CASD1: variants seen among roughly 807,000 people sequenced by gnomAD.
The protein encoded by CASD1 is N-acetylneuraminate (7)9-O-acetyltransferase.
In CASD1, 41 loss-of-function variants were observed where a neutral mutation model predicts 100.0. That is an observed-to-expected ratio of 0.41 (90% CI 0.32 to 0.53). CASD1 has a LOEUF of 0.53. Among genes scored for constraint, CASD1 ranks in the 20% least tolerant of loss-of-function variants. CASD1 has a pLI of 0.25. For missense variants in CASD1, 774 were observed against 948.7 expected (o/e 0.82, Z 2.42); for synonymous variants, 321 against 315.6 (o/e 1.02, Z -0.18).
chr7:94,588,624 C>G, the CASD1 span: 1 of 1,548,598 alleles, frequency 6.5e-7, no homozygotes, highest in Non-Finnish European at 8.9e-7. Context: ...TTATATAGTG[C>G]CATAATTATC....
chr7:94,629,818 G>T, the CASD1 span: 3 of 1,610,878 alleles, frequency 1.9e-6, no homozygotes, highest in Non-Finnish European at 1.7e-6. Context: ...CGATCGGAGT[G>T]TACCTTGGAG....
At chr7:94,551,682 C>T (rs930750874) in intron 15 of CASD1, 5 of 223,448 alleles carry the variant, frequency 2.2e-5, no homozygotes, top group East Asian at 1.8e-4. Context: ...CTTAAGGACA[C>T]GGTCAGTTTG....
downstream of CASD1, among the ~76,000 whole-genome samples, chr7:94,562,017 C>T (rs908713019): frequency 2.0e-5 from 3 of 152,140 alleles, no homozygotes; most frequent in African/African-American, 7.2e-5. Flanking sequence ...CTATGAAACT[C>T]ATCATTGTGT....
At chr7:94,530,599 G>A (rs925950197) in intron 5 of CASD1, among the ~76,000 whole-genome samples, 13 of 152,120 alleles carry the variant, frequency 8.5e-5, no homozygotes, top group African/African-American at 3.1e-4. Context: ...ATACAGTGGA[G>A]GAGTGGAAGG....
the CASD1 span, among the ~76,000 whole-genome samples, chr7:94,565,914 G>A: frequency 1.3e-5 from 2 of 152,174 alleles, no homozygotes; most frequent in African/African-American, 4.8e-5. Flanking sequence ...GGTAAGAAGA[G>A]CTTCAGAATG....
At chr7:94,569,626 A>G in the CASD1 span, among the ~76,000 whole-genome samples, 1 of 151,620 alleles carries the variant, frequency 6.6e-6, no homozygotes, top group Non-Finnish European at 1.5e-5. Flanking sequence ...AATTTTTTGT[A>G]TAGATAGGAG....
At chr7:94,552,466 C>T (rs368843546) in intron 16 of CASD1, 39 bp downstream of exon 16, 359 of 1,478,350 alleles carry the variant, frequency 2.4e-4, no homozygotes, top group Non-Finnish European at 2.6e-4. Context: ...CATCTTAATT[C>T]TTGATAAGAA....
chr7:94,552,364 G>T lies in CASD1; in HGVS notation c.1971G>T (p.Trp657Cys). 1 of 1,611,230 alleles carries T rather than the reference G, an allele frequency of 6.2e-7. No individual in the cohort carries two copies. The highest frequency in any genetic ancestry group is 1.1e-5 in the South Asian group (1 of 90,470). ...SVVSFLTYSIWASSCKNKAEC... is the reference protein window; with the variant it reads ...SVVSFLTYSICASSCKNKAEC... ...TTTTGTTTTAGACCTATTCCATCTG[G>T]GCTAGCAGTTGTAAAAACAAAGCAG... The change falls in exon 16 of 18, where the codon TGG becomes TGT. Residue 657 changes from tryptophan (W) to cysteine (C), a missense_variant. This residue lies in a region of CASD1 where 175 missense variants were observed against 206.9 expected (regional missense o/e 0.85). Coordinates refer to ENST00000297273, the MANE Select transcript of CASD1 (RefSeq NM_022900.5).
chr7:94,583,737 T>C, the CASD1 span, among the ~76,000 whole-genome samples: 1 of 152,172 alleles, frequency 6.6e-6, no homozygotes, highest in Non-Finnish European at 1.5e-5. Flanking sequence ...GCTGGCTAAC[T>C]GAAAAGGTGT....
chr7:94,606,884 T>C, the CASD1 span, among the ~76,000 whole-genome samples: 2 of 152,150 alleles, frequency 1.3e-5, no homozygotes, highest in African/African-American at 4.8e-5. Flanking sequence ...AGGAGAAATC[T>C]TGGATGAAAC....
chr7:94,568,009 G>A, the CASD1 span, among the ~76,000 whole-genome samples: 1 of 152,072 alleles, frequency 6.6e-6, no homozygotes, highest in Non-Finnish European at 1.5e-5. Flanking sequence ...TAAGAAATAA[G>A]CTGATTCTGA....
intron 4 of CASD1, among the ~76,000 whole-genome samples, chr7:94,527,411 A>G (rs142680385): frequency 2.2e-4 from 34 of 152,330 alleles, no homozygotes; most frequent in African/African-American, 8.2e-4. Context: ...ATTTGAAACC[A>G]GTATGTGTTC....
chr7:94,614,116 A>T, the CASD1 span, among the ~76,000 whole-genome samples: 18 of 151,022 alleles, frequency 1.2e-4, no homozygotes, highest in Non-Finnish European at 2.4e-4. Context: ...TCAAAAAAAA[A>T]AAAAAAAAAA....
the CASD1 span, among the ~76,000 whole-genome samples, chr7:94,583,964 G>C: frequency 6.6e-6 from 1 of 152,130 alleles, no homozygotes; most frequent in Non-Finnish European, 1.5e-5. Context: ...AAAATGTTAA[G>C]TCAGAAACAA....
At chr7:94,600,659 G>A in the CASD1 span, 8 of 1,612,624 alleles carry the variant, frequency 5.0e-6, no homozygotes, top group South Asian at 1.1e-5. Flanking sequence ...CCTTCCCGTC[G>A]GCAGCACATG....
intron 17 of CASD1, 45 bp from the exon 18 acceptor site, chr7:94,555,446 TC>T: frequency 1.3e-6 from 2 of 1,559,882 alleles, no homozygotes; most frequent in Non-Finnish European, 1.7e-6. Context: ...TGTAATTTAT[TC>T]ATGGACCCTC....
chr7:94,619,286 A>C, the CASD1 span: 1 of 195,826 alleles, frequency 5.1e-6, no homozygotes, highest in African/African-American at 2.4e-5. Flanking sequence ...TTTGGGGAGC[A>C]TGCTAAAATA....
chr7:94,559,715 G>A (rs187765298), downstream of CASD1, among the ~76,000 whole-genome samples: 27 of 152,064 alleles, frequency 1.8e-4, no homozygotes, highest in East Asian at 1.7e-3. Context: ...TAGTAGAGAC[G>A]GGGTTTCACC....
chr7:94,576,991 T>G, the CASD1 span, among the ~76,000 whole-genome samples: 1 of 152,204 alleles, frequency 6.6e-6, no homozygotes, highest in African/African-American at 2.4e-5. Flanking sequence ...TTTCTGTTTC[T>G]TATAATTTAT....
Sources: allele counts gnomAD v4.1 joint callset (sites outside exome capture counted in the v4.1 genomes callset), GRCh38; gene constraint gnomAD v4.1.1; regional missense constraint gnomAD v4.1.1; transcripts MANE v1.5; gene names NCBI Gene and HGNC (gene_info 2026-07-23, HGNC 2026-07-21).